Variants in ZSWIM6 observed in about 807,000 individuals in gnomAD.
The protein encoded by ZSWIM6 is zinc finger SWIM-type containing 6, also known as zinc finger SWIM domain-containing protein 6.
Under a neutral mutation model 113.2 loss-of-function variants are expected in ZSWIM6, and 9 were observed. The observed-to-expected ratio is 0.08, with a 90% CI of 0.05 to 0.14. The LOEUF (loss-of-function observed/expected upper bound fraction) is 0.14, where lower values mean the gene tolerates loss of function less well. Ranked by LOEUF, ZSWIM6 falls within the 10% of genes least tolerant of loss-of-function variation. ZSWIM6 has a pLI of 1.00. For missense variants in ZSWIM6, 1,162 were observed against 1,552.2 expected (o/e 0.75, Z 4.22); for synonymous variants, 611 against 606.5 (o/e 1.01, Z -0.11).
intron 1 of ZSWIM6, among the ~76,000 whole-genome samples, chr5:61,423,631 C>CACCACCCAGATGGT (rs1253173779): frequency 6.6e-6 from 1 of 152,130 alleles, no homozygotes; most frequent in Non-Finnish European, 1.5e-5. Flanking sequence ...AATCAGATGG[C>CACCACCCAGATGGT]ACCACCCAGA....
chr5:61,405,230 A>G (rs1746020632), intron 1 of ZSWIM6, among the ~76,000 whole-genome samples: 1 of 152,200 alleles, frequency 6.6e-6, no homozygotes, highest in Non-Finnish European at 1.5e-5. Context: ...TATGGTGGGT[A>G]TACTGTAAAC....
At chr5:61,502,206 CAGGA>C (rs1748486864) in intron 4 of ZSWIM6, among the ~76,000 whole-genome samples, 2 of 152,068 alleles carry the variant, frequency 1.3e-5, no homozygotes, top group Non-Finnish European at 2.9e-5. Flanking sequence ...TCAGGGATGC[CAGGA>C]GCAGGAAGGA....
At chr5:61,504,847 T>G (rs371754962) in intron 4 of ZSWIM6, among the ~76,000 whole-genome samples, 24 of 152,184 alleles carry the variant, frequency 1.6e-4, no homozygotes, top group South Asian at 2.1e-4. Flanking sequence ...AATCTGCTGT[T>G]TATAGTGCCC....
intron 1 of ZSWIM6, among the ~76,000 whole-genome samples, chr5:61,339,407 T>C (rs1744484592): frequency 6.6e-6 from 1 of 152,238 alleles, no homozygotes; most frequent in African/African-American, 2.4e-5. Context: ...AGCGAGAACC[T>C]GTCTCAAAAA....
In ZSWIM6 at chr5:61,473,055, C is replaced by T. The variant is rs907039968; in HGVS notation, c.1033+18C>T. The T allele has an allele frequency of 2.7e-5, 38 of 1,384,182 alleles. No individual in the cohort carries two copies. In the African/African-American group the frequency reaches 5.4e-4, roughly 20 times the overall value. The allele number at this position is 1,384,182 out of a possible 1,614,324, so 85.7% of individuals were successfully genotyped here. A position where few individuals can be genotyped will look rare whatever the true frequency, so the allele number is the denominator to read the frequency against. Reference sequence around the variant, plus strand: ...AGTTCATGGTGAGTATAGACATTGACTCTTTAAATTTCCTCTCTGGATCCT... The same window carrying T: ...AGTTCATGGTGAGTATAGACATTGATTCTTTAAATTTCCTCTCTGGATCCT... On this transcript the variant is annotated intron_variant, in intron 2 of 13. Coordinates refer to ENST00000252744, the MANE Select transcript of ZSWIM6 (RefSeq NM_020928.2).
At chr5:61,542,374 G>A (rs1420320186) in intron 13 of ZSWIM6, among the ~76,000 whole-genome samples, 1 of 152,156 alleles carries the variant, frequency 6.6e-6, no homozygotes, top group Non-Finnish European at 1.5e-5. Flanking sequence ...AATTGTAGCT[G>A]GCCATAAGAA....
chr5:61,534,538 A>T (rs1749523887), intron 9 of ZSWIM6, among the ~76,000 whole-genome samples: 1 of 152,194 alleles, frequency 6.6e-6, no homozygotes, highest in East Asian at 1.9e-4. Context: ...GTCATGGTTC[A>T]TAATTCTAGA....
intron 1 of ZSWIM6, among the ~76,000 whole-genome samples, chr5:61,407,186 C>G (rs1746061352): frequency 1.3e-5 from 2 of 152,030 alleles, no homozygotes; most frequent in African/African-American, 4.8e-5. Flanking sequence ...TCCTCTGAGC[C>G]CCACTTTTAC....
At chr5:61,346,026 C>T (rs574333329) in intron 1 of ZSWIM6, among the ~76,000 whole-genome samples, 15 of 152,246 alleles carry the variant, frequency 9.9e-5, no homozygotes, top group East Asian at 9.7e-4. Flanking sequence ...CTCACTGCAA[C>T]CTCCGCCTCC....
At chr5:61,445,128 G>T (rs950290348) in intron 1 of ZSWIM6, among the ~76,000 whole-genome samples, 9 of 152,180 alleles carry the variant, frequency 5.9e-5, no homozygotes, top group African/African-American at 1.9e-4. Context: ...ATGTCTAATT[G>T]CTGGCATTCT....
At position 61,543,400 on chromosome 5, in the gene ZSWIM6, A is replaced by G. The variant is rs1749795187; in HGVS notation, c.2786-55A>G. Reference sequence around the variant, plus strand: ...CTGGTTGTAAAAGTCAAAATAAGGCAGGACCTCTGGGCAGCCTCCTCGTCA... The same window carrying G: ...CTGGTTGTAAAAGTCAAAATAAGGCGGGACCTCTGGGCAGCCTCCTCGTCA... On this transcript the variant is annotated intron_variant, in intron 13 of 13. Coordinates refer to ENST00000252744, the MANE Select transcript of ZSWIM6 (RefSeq NM_020928.2). The surrounding 1 kb of genome is among the most constrained non-coding windows in gnomAD (Gnocchi z 4.3). 8.7e-6 allele frequency: 13 copies of G among 1,496,072 alleles called. No homozygotes were observed. Among genetic ancestry groups the G allele is most frequent in the African/African-American group, 1.4e-5 (1 of 71,528 alleles). The allele number at this position is 1,496,072 out of a possible 1,614,324, so 92.7% of individuals were successfully genotyped here.
chr5:61,373,621 T>A (rs1745311188), intron 1 of ZSWIM6, among the ~76,000 whole-genome samples: 2 of 152,134 alleles, frequency 1.3e-5, no homozygotes. Context: ...ATCTTCTACA[T>A]TGTTACCAAA....
intron 1 of ZSWIM6, among the ~76,000 whole-genome samples, chr5:61,395,697 A>G (rs760224458): frequency 1.3e-5 from 2 of 152,230 alleles, no homozygotes; most frequent in Admixed American, 6.5e-5. Flanking sequence ...TCTAATTTAT[A>G]AATTAAGACA....
chr5:61,454,262 T>C (rs1056359868), intron 1 of ZSWIM6, among the ~76,000 whole-genome samples: 1 of 132,864 alleles, frequency 7.5e-6, no homozygotes, highest in Admixed American at 8.0e-5. Flanking sequence ...TTTATTTTAT[T>C]TTATTTTATT....
intron 1 of ZSWIM6, among the ~76,000 whole-genome samples, chr5:61,420,397 C>T (rs1746332030): frequency 6.6e-6 from 1 of 152,150 alleles, no homozygotes; most frequent in Non-Finnish European, 1.5e-5. Context: ...GTAGATGACT[C>T]ATTTAACATC....
intron 1 of ZSWIM6, among the ~76,000 whole-genome samples, chr5:61,415,153 C>T (rs930970203): frequency 2.6e-5 from 4 of 152,088 alleles, no homozygotes; most frequent in South Asian, 2.1e-4. Flanking sequence ...GCAGTCTTTT[C>T]GGGAATGTGG....
At chr5:61,400,614 C>G (rs1299384059) in intron 1 of ZSWIM6, among the ~76,000 whole-genome samples, 5 of 152,296 alleles carry the variant, frequency 3.3e-5, no homozygotes, top group African/African-American at 1.2e-4. Flanking sequence ...AGATGGGCAG[C>G]TTATTTTTTT....
At chr5:61,352,526 A>G (rs368625591) in intron 1 of ZSWIM6, among the ~76,000 whole-genome samples, 6 of 152,160 alleles carry the variant, frequency 3.9e-5, no homozygotes, top group African/African-American at 1.4e-4. Flanking sequence ...CCATCTATCT[A>G]TTGCTTCACA....
chr5:61,441,497 A>G (rs1746833310), intron 1 of ZSWIM6, among the ~76,000 whole-genome samples: 1 of 152,204 alleles, frequency 6.6e-6, no homozygotes, highest in African/African-American at 2.4e-5. Context: ...CAAAAAATAA[A>G]TGTATACATT....
Sources: gnomAD v4.1 joint callset for allele counts (sites outside exome capture counted in the v4.1 genomes callset) on GRCh38, gnomAD v4.1.1 for gene constraint, Gnocchi (gnomAD v3.1) non-coding constraint, MANE v1.5 for transcripts, NCBI Gene and HGNC (gene_info 2026-07-23, HGNC 2026-07-21) for gene names.